The following ATP6V0A2 variants were observed in gnomAD, a reference collection of about 807,000 sequenced individuals.
ATP6V0A2 encodes the protein ATPase H+ transporting V0 subunit a2, also known as V-type proton ATPase 116 kDa subunit a 2.
A neutral mutation model predicts 104.4 loss-of-function variants in ATP6V0A2; 58 were observed. The ratio of observed to expected loss-of-function variants is 0.56; its 90% CI spans 0.45 to 0.69. ATP6V0A2 has a LOEUF of 0.69. Among genes scored for constraint, ATP6V0A2 ranks in the 30% least tolerant of loss-of-function variants. The probability of loss-of-function intolerance (pLI) is 0.00; values close to 1 mark genes in which losing one functional copy is unlikely to be tolerated. For synonymous variants in ATP6V0A2, 376 were observed against 397.9 expected (o/e 0.95, Z 0.65); for missense variants, 938 against 1,062.9 (o/e 0.88, Z 1.63).
At chr12:123,757,894 C>A in intron 19 of ATP6V0A2, 33 bp from the exon 20 acceptor site, 2 of 1,301,346 alleles carry the variant, frequency 1.5e-6, no homozygotes, top group African/African-American at 1.5e-5. Flanking sequence ...ATTTCATAAT[C>A]TTCCATTAAT....
At chr12:123,725,085 G>A (rs887109128) in intron 4 of ATP6V0A2, among the ~76,000 whole-genome samples, 2 of 151,952 alleles carry the variant, frequency 1.3e-5, no homozygotes, top group Admixed American at 6.6e-5. Flanking sequence ...ACAGGCGCCC[G>A]CCACCACGCC....
At position 123,712,518 on chromosome 12, in the gene ATP6V0A2, G is replaced by C; in HGVS notation, c.-48G>C. 7.0e-7 allele frequency: 1 copy of C among 1,438,716 alleles called. No homozygotes were observed. Among genetic ancestry groups the C allele is most frequent in the Non-Finnish European group, 9.4e-7 (1 of 1,065,448 alleles). 89.1% of individuals were successfully genotyped at this position (1,438,716 alleles called of 1,614,324 possible). ...CTGAGTGTGCGGGCCCGCGCGGCTC[G>C]GAGCCGCCGCCGCCCATCGAGCCCC... On this transcript the variant is annotated 5_prime_UTR_variant, in exon 1 of 20. Coordinates refer to ENST00000330342, the MANE Select transcript of ATP6V0A2 (RefSeq NM_012463.4).
chr12:123,712,809 G>A (rs1009566420), intron 1 of ATP6V0A2, 127 bp downstream of exon 1: 10 of 853,450 alleles, frequency 1.2e-5, no homozygotes, highest in Middle Eastern at 2.8e-4. Flanking sequence ...TCCAGACGGG[G>A]AAGATGACAC....
intron 3 of ATP6V0A2, 24 bp downstream of exon 3, chr12:123,722,472 G>T (rs754634866): frequency 1.3e-5 from 18 of 1,419,320 alleles, no homozygotes; most frequent in Non-Finnish European, 1.8e-5. Flanking sequence ...GACGAAGCTG[G>T]TTGCAGCCAT....
chr12:123,716,128 G>A (rs939245104), intron 1 of ATP6V0A2, among the ~76,000 whole-genome samples: 4 of 150,628 alleles, frequency 2.7e-5, no homozygotes, highest in African/African-American at 9.8e-5. Flanking sequence ...GTGCAGTGGC[G>A]CGATCTCAGC....
At chr12:123,741,683 T>C (rs1392596327) in intron 9 of ATP6V0A2, among the ~76,000 whole-genome samples, 1 of 152,158 alleles carries the variant, frequency 6.6e-6, no homozygotes, top group Non-Finnish European at 1.5e-5. Context: ...TGTCTGGTCT[T>C]GAACTCCTGG....
intron 2 of ATP6V0A2, 91 bp downstream of exon 2, chr12:123,718,792 G>A: frequency 2.2e-6 from 2 of 891,718 alleles, no homozygotes; most frequent in Non-Finnish European, 1.8e-6. Flanking sequence ...ATATAGACAA[G>A]CAGAAAGGAA....
intron 3 of ATP6V0A2, chr12:123,724,424 G>A: frequency 2.3e-6 from 1 of 427,468 alleles, no homozygotes; most frequent in South Asian, 2.0e-5. Flanking sequence ...GCTACTCGGG[G>A]AGGCTGAGGC....
At chr12:123,725,209 C>T (rs1019870858) in intron 4 of ATP6V0A2, among the ~76,000 whole-genome samples, 1 of 152,164 alleles carries the variant, frequency 6.6e-6, no homozygotes, top group African/African-American at 2.4e-5. Flanking sequence ...GCTGGGATTA[C>T]AGGAGTGAGC....
chr12:123,730,051 T>TTTTTC, intron 6 of ATP6V0A2, among the ~76,000 whole-genome samples: 2 of 57,602 alleles, frequency 3.5e-5, no homozygotes, highest in African/African-American at 6.9e-5. Context: ...GGTCTTTTTT[T>TTTTTC]TTTTTTTTTT....
intron 15 of ATP6V0A2, among the ~76,000 whole-genome samples, chr12:123,749,467 T>C (rs1310014466): frequency 1.3e-5 from 2 of 152,226 alleles, no homozygotes; most frequent in Admixed American, 6.5e-5. Flanking sequence ...AAGGGCTGAC[T>C]GCTCTGCTTG....
chr12:123,743,724 A>C, intron 9 of ATP6V0A2, 61 bp from the exon 10 acceptor site: 1 of 1,594,506 alleles, frequency 6.3e-7, no homozygotes, highest in Non-Finnish European at 8.6e-7. Context: ...GATTCGTTGA[A>C]TATGGATAGT....
rs1956428767 is a variant in ATP6V0A2 at position 123,724,448 on chromosome 12, G to A, written c.295-206G>A. 2.3e-5 allele frequency: 11 copies of A among 469,016 alleles called. No homozygotes were observed. The East Asian group carries it at 4.8e-4, about 21-fold the overall frequency. The allele number at this position is 469,016 out of a possible 1,614,324, so 29.1% of individuals were successfully genotyped here. A position where few individuals can be genotyped will look rare whatever the true frequency, so the allele number is the denominator to read the frequency against. On this transcript the variant is annotated intron_variant, in intron 3 of 19. Transcript: ENST00000330342. The stretch of plus-strand genomic sequence containing the variant: ...GGAGGCTGAGGCAAGAGAATCGCTT[G>A]AACCCAGGAGGTGGAGGTTGCAGTG...
Position 123,757,951 on chromosome 12 carries a change from C to T in ATP6V0A2, c.2490C>T (p.Tyr830=), listed in dbSNP as rs377725348. 30 of 1,600,392 alleles carry T rather than the reference C, an allele frequency of 1.9e-5. No homozygotes were observed. The highest frequency in any genetic ancestry group is 1.1e-4 in the African/African-American group (8 of 73,764). Residue 830 remains tyrosine, a synonymous_variant, in exon 20 of 20, where the codon TAC becomes TAT. Transcript: ENST00000330342. ...LHWVEFQNKF[Y]VGAGTKFVPF... ...GGGTAGAATTTCAGAACAAATTCTA[C>T]GTTGGTGCAGGCACCAAATTTGTTC...
In ATP6V0A2 at chr12:123,735,622, A is replaced by G. The variant is rs2135899967; in HGVS notation, c.823A>G (p.Thr275Ala). The change falls in exon 8 of 20, where the codon ACT becomes GCT. Residue 275 changes from threonine (T) to alanine (A), a missense_variant and splice_region_variant. Coordinates refer to ENST00000330342, the MANE Select transcript of ATP6V0A2 (RefSeq NM_012463.4). ...GLNTRIQDLY[T>A]VLHKTEDYLR... ...GAACACCCGCATCCAGGATCTCTAC[A>G]CTGTGAGTAAGCTGGAAGTGGATTG... 3.1e-6 allele frequency: 5 copies of G among 1,612,410 alleles called. No homozygotes were observed. Among genetic ancestry groups the G allele is most frequent in the Non-Finnish European group, 4.2e-6 (5 of 1,178,464 alleles).
At position 123,727,787 on chromosome 12, in the gene ATP6V0A2, G is replaced by T; in HGVS notation, c.526G>T (p.Val176Leu). 6.2e-7 allele frequency: 1 copy of T among 1,614,086 alleles called. No individual in the cohort carries two copies. Among genetic ancestry groups the T allele is most frequent in the South Asian group, 1.1e-5 (1 of 91,080 alleles). Residue 176 changes from valine to leucine, a missense_variant, in exon 6 of 20, where the codon GTG becomes TTG. Transcript: ENST00000330342. ...GTTGACTTTACTGTCTCACAGATTT[G>T]TGTCTGGCCTAATTAACCAAGGAAA... is the stretch of plus-strand genomic sequence containing the variant. ...MQRLGAKLGF[V>L]SGLINQGKVE...
In ATP6V0A2 at chr12:123,752,287, G is replaced by C. The variant is rs750034680; in HGVS notation, c.2060G>C (p.Gly687Ala). 6.2e-7 allele frequency: 1 copy of C among 1,614,116 alleles called. No homozygotes were observed. Among genetic ancestry groups the C allele is most frequent in the East Asian group, 2.2e-5 (1 of 44,872 alleles). The change falls in exon 17 of 20, where the codon GGC becomes GCC. Residue 687 changes from glycine to alanine, a missense_variant. By Grantham distance (60) the Gly-to-Ala change is moderately conservative. Coordinates refer to ENST00000330342, the MANE Select transcript of ATP6V0A2 (RefSeq NM_012463.4). ...CTGTGCTCTTTTGGTTGTTAGAGTG[G>C]CTACACACTTATAAGGAAAGATAGT... is the stretch of plus-strand genomic sequence containing the variant. ...GRSCFGVNRS[G>A]YTLIRKDSEE...
At chr12:123,727,556 C>T (rs1449773969) in intron 5 of ATP6V0A2, among the ~76,000 whole-genome samples, 2 of 152,168 alleles carry the variant, frequency 1.3e-5, no homozygotes, top group Non-Finnish European at 2.9e-5. Flanking sequence ...GGATTACAGG[C>T]ATGAGCCACT....
intron 8 of ATP6V0A2, among the ~76,000 whole-genome samples, chr12:123,736,745 C>T (rs1024646505): frequency 5.3e-5 from 8 of 152,128 alleles, no homozygotes; most frequent in African/African-American, 1.9e-4. Context: ...TTGCTGGATC[C>T]TGGTAGGCCA....
Sources: allele counts gnomAD v4.1 joint callset (sites outside exome capture counted in the v4.1 genomes callset), GRCh38; gene constraint gnomAD v4.1.1; transcripts MANE v1.5; gene names NCBI Gene and HGNC (gene_info 2026-07-23, HGNC 2026-07-21).